SLCO3A1: variants seen among roughly 807,000 people sequenced by gnomAD.
SLCO3A1 encodes PGE1 transporter.
Under a neutral mutation model 63.1 loss-of-function variants are expected in SLCO3A1, and 27 were observed. The observed-to-expected ratio is 0.43, with a 90% CI of 0.32 to 0.59. The LOEUF (loss-of-function observed/expected upper bound fraction) is 0.59, where lower values mean the gene tolerates loss of function less well. Among genes scored for constraint, SLCO3A1 ranks in the 20% least tolerant of loss-of-function variants. The pLI, the probability that SLCO3A1 is intolerant of heterozygous loss-of-function variation, is 0.09. For synonymous variants in SLCO3A1, 473 were observed against 409.9 expected (o/e 1.15, Z -1.86); for missense variants, 773 against 945.8 (o/e 0.82, Z 2.40).
intron 7 of SLCO3A1, among the ~76,000 whole-genome samples, chr15:92,145,036 G>C (rs1317061935): frequency 6.6e-6 from 1 of 152,168 alleles, no homozygotes; most frequent in Non-Finnish European, 1.5e-5. Flanking sequence ...AGGAGGACCA[G>C]GGAAACAGGT....
intron 2 of SLCO3A1, among the ~76,000 whole-genome samples, chr15:91,975,320 C>G (rs897991573): frequency 4.6e-5 from 7 of 152,180 alleles, no homozygotes; most frequent in African/African-American, 1.7e-4. Context: ...CATCATAGTC[C>G]ATCCTCCACC....
At chr15:91,972,887 G>A (rs1177166973) in intron 2 of SLCO3A1, among the ~76,000 whole-genome samples, 5 of 152,208 alleles carry the variant, frequency 3.3e-5, no homozygotes, top group African/African-American at 7.2e-5. Flanking sequence ...TTGGGAGGCC[G>A]AGGCAGGCGG....
intron 2 of SLCO3A1, among the ~76,000 whole-genome samples, chr15:91,927,504 A>G (rs1427345627): frequency 2.0e-5 from 3 of 152,196 alleles, no homozygotes; most frequent in Non-Finnish European, 4.4e-5. Context: ...TTTATTGGCA[A>G]ACCTTTTATG....
intron 2 of SLCO3A1, among the ~76,000 whole-genome samples, chr15:92,061,104 GAGTA>G (rs1254908821): frequency 5.9e-5 from 9 of 152,234 alleles, no homozygotes; most frequent in East Asian, 1.9e-4. Context: ...CGTGTTCGGT[GAGTA>G]AGTGTTTGTA....
chr15:91,931,760 C>T (rs1271642345), intron 2 of SLCO3A1, among the ~76,000 whole-genome samples: 3 of 149,908 alleles, frequency 2.0e-5, no homozygotes, highest in Admixed American at 6.8e-5. Context: ...AGTGAGCCAC[C>T]GCGCCCGGCT....
chr15:91,907,930 A>C (rs1358803928), intron 1 of SLCO3A1, among the ~76,000 whole-genome samples: 1 of 152,114 alleles, frequency 6.6e-6, no homozygotes, highest in Non-Finnish European at 1.5e-5. Context: ...TAGAGAGGGC[A>C]GTACAGAGGC....
At chr15:92,156,249 C>G (rs552497484) in intron 9 of SLCO3A1, among the ~76,000 whole-genome samples, 1 of 152,152 alleles carries the variant, frequency 6.6e-6, no homozygotes, top group South Asian at 2.1e-4. Flanking sequence ...GAGTGAGATA[C>G]GGCGGTGGGA....
intron 9 of SLCO3A1, among the ~76,000 whole-genome samples, chr15:92,152,635 C>G (rs2048321923): frequency 6.6e-6 from 1 of 152,146 alleles, no homozygotes; most frequent in Non-Finnish European, 1.5e-5. Flanking sequence ...ATATTTTACC[C>G]CTGCTCTCAC....
intron 2 of SLCO3A1, among the ~76,000 whole-genome samples, chr15:92,078,173 T>C (rs2047301460): frequency 6.6e-6 from 1 of 152,208 alleles, no homozygotes; most frequent in Non-Finnish European, 1.5e-5. Context: ...GTTAGTTCGC[T>C]ATATCCCCAT....
At chr15:92,054,886 A>T (rs1296290912) in intron 2 of SLCO3A1, among the ~76,000 whole-genome samples, 3 of 152,142 alleles carry the variant, frequency 2.0e-5, no homozygotes, top group African/African-American at 7.2e-5. Flanking sequence ...TGTTCTTGGT[A>T]TTATGAATAG....
intron 8 of SLCO3A1, among the ~76,000 whole-genome samples, chr15:92,150,215 T>C (rs1567148419): frequency 1.3e-5 from 2 of 152,318 alleles, no homozygotes; most frequent in East Asian, 3.9e-4. Context: ...TAGGCCCATC[T>C]GGTCTTTTCA....
At chr15:92,053,735 A>G (rs1490901958) in intron 2 of SLCO3A1, among the ~76,000 whole-genome samples, 7 of 129,958 alleles carry the variant, frequency 5.4e-5, no homozygotes, top group African/African-American at 9.0e-5. Flanking sequence ...AACTGGGGTT[A>G]TGGGTTTGGA....
chr15:92,164,261 T>C lies in SLCO3A1; in HGVS notation c.*1126T>C, dbSNP rs1205608897. 2.2e-5 allele frequency: 22 copies of C among 984,330 alleles called. No homozygotes were observed. Among genetic ancestry groups the C allele is most frequent in the Non-Finnish European group, 2.5e-5 (21 of 828,920 alleles). 61.0% of individuals were successfully genotyped at this position (984,330 alleles called of 1,614,324 possible). A position where few individuals can be genotyped will look rare whatever the true frequency, so the allele number is the denominator to read the frequency against. On this transcript the variant is annotated 3_prime_UTR_variant, in exon 10 of 10. Transcript: ENST00000318445. ...TAACCTATTGTAATTTTCATCATTTTATCCTCATTCGAATATTCTACAAAA... is the reference window on the plus strand; with the variant it reads ...TAACCTATTGTAATTTTCATCATTTCATCCTCATTCGAATATTCTACAAAA...
At chr15:92,120,398 G>A in intron 4 of SLCO3A1, 67 bp from the exon 5 acceptor site, 3 of 1,513,030 alleles carry the variant, frequency 2.0e-6, no homozygotes, top group Admixed American at 3.6e-5. Context: ...TTAGGAGCAG[G>A]GAGCTATAAG....
rs368016879 is a variant in SLCO3A1, at chr15:91,853,876, AGCGGCGGCGGCGGCG to A, written c.-22_-8del. ...CACCCGGGGCGAGCGGGAAAGCGGC[AGCGGCGGCGGCGGCG>A]GCGGCGGCGGGGGAAGGATGCAGGG... On this transcript the variant is annotated 5_prime_UTR_variant, in exon 1 of 10. Transcript: ENST00000318445. 1.6e-5 allele frequency: 21 copies of A among 1,294,672 alleles called. No homozygotes were observed. The highest frequency in any genetic ancestry group is 9.8e-5 in the African/African-American group (6 of 61,370). The allele number at this position is 1,294,672 out of a possible 1,614,324, so 80.2% of individuals were successfully genotyped here. A position where few individuals can be genotyped will look rare whatever the true frequency, so the allele number is the denominator to read the frequency against.
chr15:91,914,991 T>C (rs978255577), intron 1 of SLCO3A1, among the ~76,000 whole-genome samples: 3 of 152,178 alleles, frequency 2.0e-5, no homozygotes, highest in Non-Finnish European at 2.9e-5. Context: ...AGATCTCCCA[T>C]GACAAGGACT....
chr15:92,158,491 G>A (rs186899180), intron 9 of SLCO3A1, among the ~76,000 whole-genome samples: 7 of 152,302 alleles, frequency 4.6e-5, no homozygotes, highest in South Asian at 2.1e-4. Flanking sequence ...TGGAGGGGAC[G>A]CATAATGGAT....
rs182915017 is a variant in SLCO3A1, at chr15:92,091,805, G to A, written c.647-3076G>A. 1.5e-3 allele frequency among the ~76,000 whole-genome samples: 235 copies of A among 152,326 alleles called. 1 individual carries two copies. The highest frequency in any genetic ancestry group is 4.5e-3 in the African/African-American group (188 of 41,580). On this transcript the variant is annotated intron_variant, in intron 2 of 9. Coordinates refer to ENST00000318445, the MANE Select transcript of SLCO3A1 (RefSeq NM_013272.4). ...GTGCACAATGTCTTTGGTGTTTGGC[G>A]TGGGGTCCTATCAACTCCGTCCTGT... is the stretch of plus-strand genomic sequence containing the variant.
chr15:91,962,043 C>T (rs1281675015), intron 2 of SLCO3A1, among the ~76,000 whole-genome samples: 2 of 152,224 alleles, frequency 1.3e-5, no homozygotes, highest in Non-Finnish European at 1.5e-5. Flanking sequence ...AAGTTGAGCT[C>T]AGCTCTTCTG....
Sources: gnomAD v4.1 joint callset for allele counts (sites outside exome capture counted in the v4.1 genomes callset) on GRCh38, gnomAD v4.1.1 for gene constraint, MANE v1.5 for transcripts, NCBI Gene and HGNC (gene_info 2026-07-23, HGNC 2026-07-21) for gene names.